ALDH1A2: variants seen among roughly 807,000 people sequenced by gnomAD.
The protein encoded by ALDH1A2 is aldehyde dehydrogenase 1 family member A2.
Under a neutral mutation model 60.3 loss-of-function variants are expected in ALDH1A2, and 27 were observed. That is an observed-to-expected ratio of 0.45 (90% confidence interval 0.33 to 0.62). The LOEUF is 0.62. Ranked by LOEUF, ALDH1A2 falls within the 20% of genes least tolerant of loss-of-function variation. ALDH1A2 has a pLI of 0.02. For missense variants in ALDH1A2, 581 were observed against 643.8 expected, an observed-to-expected ratio of 0.90 and a Z score of 1.06; for synonymous variants, 289 against 232.4, an observed-to-expected ratio of 1.24 and a Z score of -2.21.
intron 7 of ALDH1A2, among the ~76,000 whole-genome samples, chr15:57,981,902 C>T (rs1286592464): frequency 2.0e-5 from 3 of 152,154 alleles, no homozygotes; most frequent in African/African-American, 7.2e-5. Context: ...AAATTCATTT[C>T]TTACAGTTCG....
At chr15:58,049,565 T>C (rs1270533377) in intron 1 of ALDH1A2, among the ~76,000 whole-genome samples, 1 of 152,060 alleles carries the variant, frequency 6.6e-6, no homozygotes, top group Non-Finnish European at 1.5e-5. Flanking sequence ...GTTCACTTAC[T>C]CTCTGTTGCT....
At chr15:58,056,437 A>G (rs12592810) in intron 1 of ALDH1A2, among the ~76,000 whole-genome samples, 12,907 of 152,106 alleles carry the variant, frequency 0.085, 583 homozygotes, top group Middle Eastern at 0.14. Flanking sequence ...GCAATGACCA[A>G]TTCTAGGAGG....
Position 58,011,327 on chromosome 15 carries a change from G to T in ALDH1A2, c.364-549C>A, listed in dbSNP as rs1383100975. The stretch of plus-strand genomic sequence containing the variant: ...CCAGATGTTAACAACTTAAAGGCTG[G>T]TTTTTTGTAAACATTTACATTAACA... On this transcript the variant is annotated intron_variant, in intron 3 of 12. Transcript: ENST00000249750. Among the ~76,000 whole-genome samples, 3 of 152,102 alleles carry T rather than the reference G, an allele frequency of 2.0e-5. No individual in the cohort carries two copies. The East Asian group carries it at 5.8e-4, about 29-fold the overall frequency.
At chr15:57,975,427 G>A (rs1174425628) in intron 7 of ALDH1A2, among the ~76,000 whole-genome samples, 1 of 152,184 alleles carries the variant, frequency 6.6e-6, no homozygotes, top group Non-Finnish European at 1.5e-5. Context: ...AGAACCAGAA[G>A]TGTTTTGGAT....
rs34391917 is a variant in ALDH1A2, at chr15:57,982,446, A to C, written c.798+10259T>G. 6.4e-3 allele frequency among the ~76,000 whole-genome samples: 972 copies of C among 152,326 alleles called. 14 individuals carry two copies. The highest frequency in any genetic ancestry group is 0.022 in the African/African-American group (935 of 41,576). On this transcript the variant is annotated intron_variant, in intron 7 of 12. Coordinates refer to ENST00000249750, the MANE Select transcript of ALDH1A2 (RefSeq NM_003888.4). ...TGGTTTAGAGAGACGCAAACTATAGAGTTGTGATATACTATTCTGTCAAAC... is the reference window on the plus strand; with the variant it reads ...TGGTTTAGAGAGACGCAAACTATAGCGTTGTGATATACTATTCTGTCAAAC...
At chr15:58,053,575 A>G (rs1896828424) in intron 1 of ALDH1A2, among the ~76,000 whole-genome samples, 1 of 152,168 alleles carries the variant, frequency 6.6e-6, no homozygotes, top group Non-Finnish European at 1.5e-5. Flanking sequence ...ACATGCCTAT[A>G]CTAAATGCTG....
rs147288399 is a variant in ALDH1A2, at chr15:57,968,981, T to G, written c.799-3154A>C. Among the ~76,000 whole-genome samples the G allele has an allele frequency of 2.2e-3, 314 of 144,948 alleles. 2 individuals carry two copies. The highest frequency in any genetic ancestry group is 7.5e-3 in the African/African-American group (300 of 39,894). On this transcript the variant is annotated intron_variant, in intron 7 of 12. Transcript: ENST00000249750. ...TTCCTTAGAAAACAAATTTGTGCGC[T>G]GCACCCACTAACTCGGTAAACACCA...
intron 1 of ALDH1A2, among the ~76,000 whole-genome samples, chr15:58,039,449 G>T (rs1188603189): frequency 5.9e-5 from 9 of 151,772 alleles, no homozygotes; most frequent in Non-Finnish European, 1.5e-5. Context: ...AACACCCAGA[G>T]AGTTCATTGT....
intron 7 of ALDH1A2, among the ~76,000 whole-genome samples, chr15:57,978,081 G>A (rs1708704327): frequency 6.6e-6 from 1 of 152,176 alleles, no homozygotes; most frequent in Admixed American, 6.5e-5. Context: ...ATCAGCTTAA[G>A]GAGATTTTGG....
chr15:57,977,394 T>C (rs1011195461), intron 7 of ALDH1A2, among the ~76,000 whole-genome samples: 2 of 152,242 alleles, frequency 1.3e-5, no homozygotes, highest in Non-Finnish European at 2.9e-5. Context: ...TTTAAGTCTT[T>C]AATCCATCTT....
At chr15:58,021,827 T>C (rs746538622) in intron 1 of ALDH1A2, among the ~76,000 whole-genome samples, 6 of 152,218 alleles carry the variant, frequency 3.9e-5, no homozygotes, top group Admixed American at 2.6e-4. Context: ...CCAGTGCTGG[T>C]AGACATGTGT....
At chr15:58,054,918 T>C (rs1362438321) in intron 1 of ALDH1A2, among the ~76,000 whole-genome samples, 3 of 152,142 alleles carry the variant, frequency 2.0e-5, no homozygotes, top group Admixed American at 2.0e-4. Flanking sequence ...CTCTCCTTTT[T>C]TTAAATTCAT....
At chr15:58,063,518 G>C (rs1897094261) in intron 1 of ALDH1A2, among the ~76,000 whole-genome samples, 1 of 151,848 alleles carries the variant, frequency 6.6e-6, no homozygotes, top group Non-Finnish European at 1.5e-5. Flanking sequence ...TCATTACCCT[G>C]GGATACCAAA....
chr15:58,059,115 A>G (rs1432214331), intron 1 of ALDH1A2, among the ~76,000 whole-genome samples: 1 of 152,238 alleles, frequency 6.6e-6, no homozygotes, highest in Non-Finnish European at 1.5e-5. Flanking sequence ...GGCAGACAGT[A>G]GAGAAATACC....
At chr15:57,958,126 C>G (rs1359526244) in intron 12 of ALDH1A2, among the ~76,000 whole-genome samples, 2 of 152,172 alleles carry the variant, frequency 1.3e-5, no homozygotes, top group African/African-American at 4.8e-5. Flanking sequence ...CTCAGAATCT[C>G]TGAGAGTGGG....
rs1895610209 is a variant in ALDH1A2 at position 58,010,781 on chromosome 15, G to T, written c.364-3C>A. The T allele has an allele frequency of 6.2e-7, 1 of 1,612,990 alleles. No individual in the cohort carries two copies. Among genetic ancestry groups the T allele is most frequent in the Non-Finnish European group, 8.5e-7 (1 of 1,179,202 alleles). ...CCACCATTTAGGGATTCCATGGTCTGTTGGAAGAGAAATGGAGAGATACTA... is the reference window on the plus strand; with the variant it reads ...CCACCATTTAGGGATTCCATGGTCTTTTGGAAGAGAAATGGAGAGATACTA... On this transcript the variant is annotated splice_region_variant and splice_polypyrimidine_tract_variant and intron_variant, in intron 3 of 12. Coordinates refer to ENST00000249750, the MANE Select transcript of ALDH1A2 (RefSeq NM_003888.4).
In ALDH1A2 at chr15:57,992,701, C is replaced by T; in HGVS notation, c.798+4G>A. The T allele has an allele frequency of 6.2e-7, 1 of 1,613,510 alleles. No homozygotes were observed. The highest frequency in any genetic ancestry group is 1.1e-5 in the South Asian group (1 of 91,066). ...CCTCAAGCCCTGGTTTTTCAGATACCTACCTCAGTAGACCCTGTGAATGCA... is the reference window on the plus strand; with the variant it reads ...CCTCAAGCCCTGGTTTTTCAGATACTTACCTCAGTAGACCCTGTGAATGCA... On this transcript the variant is annotated splice_donor_region_variant and intron_variant, in intron 7 of 12. Transcript: ENST00000249750.
At chr15:57,955,851 TCTC>T (rs1318083050) in intron 12 of ALDH1A2, among the ~76,000 whole-genome samples, 1 of 152,196 alleles carries the variant, frequency 6.6e-6, no homozygotes, top group African/African-American at 2.4e-5. Context: ...TCTTCTCTAT[TCTC>T]CTGTTCTTTT....
Position 57,969,643 on chromosome 15 carries a change from C to G in ALDH1A2, c.799-3816G>C, listed in dbSNP as rs576241353. Among the ~76,000 whole-genome samples, 5 of 152,198 alleles carry G rather than the reference C, an allele frequency of 3.3e-5. No individual in the cohort carries two copies. The South Asian group carries it at 1.0e-3, about 32-fold the overall frequency. On this transcript the variant is annotated intron_variant, in intron 7 of 12. Transcript: ENST00000249750. ...GTTAATAGAGCTGTACTTGATGATA[C>G]CAAGTCCTATTCTGATGAAATTGGT...
Sources: gnomAD v4.1 joint callset for allele counts (sites outside exome capture counted in the v4.1 genomes callset) on GRCh38, gnomAD v4.1.1 for gene constraint, MANE v1.5 for transcripts, NCBI Gene and HGNC (gene_info 2026-07-23, HGNC 2026-07-21) for gene names.